MRPL3: variants seen among roughly 807,000 people sequenced by gnomAD.
MRPL3 encodes the protein large ribosomal subunit protein uL3m.
Under a neutral mutation model 44.3 loss-of-function variants are expected in MRPL3, and 43 were observed. The ratio of observed to expected loss-of-function variants is 0.97; its 90% CI spans 0.76 to 1.25. MRPL3 has a LOEUF of 1.25. Ranked by LOEUF, MRPL3 falls within the 50% of genes most tolerant of loss-of-function variation. MRPL3 has a pLI of 0.00. For synonymous variants in MRPL3, 171 were observed against 152.3 expected (o/e 1.12, Z -0.91); for missense variants, 406 against 427.6 (o/e 0.95, Z 0.45).
At chr3:131,485,651 G>GAA (rs147601693) in intron 6 of MRPL3, among the ~76,000 whole-genome samples, 3 of 145,400 alleles carry the variant, frequency 2.1e-5, no homozygotes, top group Non-Finnish European at 4.6e-5. Context: ...CAGGAAGCAG[G>GAA]AAAAAAAAAA....
chr3:131,502,344 T>TA (rs1344346871), intron 1 of MRPL3, among the ~76,000 whole-genome samples: 1 of 152,214 alleles, frequency 6.6e-6, no homozygotes, highest in Admixed American at 6.5e-5. Flanking sequence ...ACTTATTAGT[T>TA]GAGTGACTTT....
At chr3:131,470,294 A>G (rs1933710591) in intron 7 of MRPL3, among the ~76,000 whole-genome samples, 1 of 152,180 alleles carries the variant, frequency 6.6e-6, no homozygotes, top group Non-Finnish European at 1.5e-5. Flanking sequence ...TCTGATTTAC[A>G]TAAATCTAAC....
chr3:131,480,875 T>A (rs551757124), intron 6 of MRPL3, among the ~76,000 whole-genome samples: 1 of 152,316 alleles, frequency 6.6e-6, no homozygotes, highest in East Asian at 1.9e-4. Flanking sequence ...AATTATTTTT[T>A]GGAAACAGAT....
chr3:131,471,629 T>A (rs1933746140), intron 6 of MRPL3, among the ~76,000 whole-genome samples: 1 of 152,124 alleles, frequency 6.6e-6, no homozygotes, highest in Admixed American at 6.5e-5. Flanking sequence ...TCAAAGTACT[T>A]ATAGCAGATA....
intron 8 of MRPL3, among the ~76,000 whole-genome samples, chr3:131,468,728 C>T (rs1933676123): frequency 6.6e-6 from 1 of 151,900 alleles, no homozygotes; most frequent in Admixed American, 6.6e-5. Context: ...TTAAATATTA[C>T]AAAAATTGAA....
intron 6 of MRPL3, among the ~76,000 whole-genome samples, chr3:131,483,017 A>T (rs570534706): frequency 6.7e-6 from 1 of 149,212 alleles, no homozygotes; most frequent in East Asian, 1.9e-4. Context: ...AGTTATAATA[A>T]GCACCACCAG....
rs577837332 is a variant in MRPL3, at chr3:131,501,320, C to A, written c.277+211G>T. ...TCTCCCTTCACCTATAAAACAGCTT[C>A]TCAAGGAGGTCTTTATTATCATCAG... is the stretch of plus-strand genomic sequence containing the variant. On this transcript the variant is annotated intron_variant, in intron 2 of 9. Coordinates refer to ENST00000264995, the MANE Select transcript of MRPL3 (RefSeq NM_007208.4). Among the ~76,000 whole-genome samples, 3 of 152,306 alleles carry A rather than the reference C, an allele frequency of 2.0e-5. No homozygotes were observed. In the East Asian group the frequency reaches 5.8e-4, roughly 29 times the overall value.
At chr3:131,470,109 T>G (rs938605920) in intron 7 of MRPL3, among the ~76,000 whole-genome samples, 1 of 152,080 alleles carries the variant, frequency 6.6e-6, no homozygotes, top group Non-Finnish European at 1.5e-5. Flanking sequence ...AAAAATGGAC[T>G]GCCAGGCCTG....
At position 131,502,734 on chromosome 3, in the gene MRPL3, T is replaced by C. The variant is rs1472078218; in HGVS notation, c.88A>G (p.Asn30Asp). Residue 30 changes from asparagine (N) to aspartate (D), a missense_variant, in exon 1 of 10, where the codon AAC becomes GAC. Transcript: ENST00000264995. ...GACACCCTCACACCTTCCTACCTGT[T>C]CCCCGGGCCCAGGGCAGCACCCAGG... ...DGLGAALGPG[N>D]RTHIWLFVRG... is the part of the protein sequence containing the mutation. 1.2e-6 allele frequency: 2 copies of C among 1,608,454 alleles called. No individual in the cohort carries two copies. The highest frequency in any genetic ancestry group is 8.5e-7 in the Non-Finnish European group (1 of 1,176,740).
chr3:131,500,669 T>C (rs1306831951), intron 2 of MRPL3, 148 bp from the exon 3 acceptor site: 7 of 629,548 alleles, frequency 1.1e-5, no homozygotes, highest in Middle Eastern at 3.4e-4. Context: ...AGTAGGACTG[T>C]TCTTTACAGA....
At chr3:131,493,374 T>C (rs899674884) in intron 4 of MRPL3, among the ~76,000 whole-genome samples, 3 of 152,218 alleles carry the variant, frequency 2.0e-5, no homozygotes, top group African/African-American at 7.2e-5. Context: ...ACATTGCTCC[T>C]TTGTCTATGC....
chr3:131,472,744 T>C (rs892224023), intron 6 of MRPL3, among the ~76,000 whole-genome samples: 2 of 151,898 alleles, frequency 1.3e-5, no homozygotes, highest in South Asian at 2.1e-4. Context: ...AATTAACATA[T>C]ACAAATTGGT....
intron 6 of MRPL3, among the ~76,000 whole-genome samples, chr3:131,479,442 G>A (rs985150664): frequency 2.6e-5 from 4 of 152,162 alleles, no homozygotes; most frequent in African/African-American, 4.8e-5. Context: ...TTAAAAAGCA[G>A]CTTCTCTGTT....
At chr3:131,464,730 C>T (rs1343936079) in intron 9 of MRPL3, among the ~76,000 whole-genome samples, 1 of 152,098 alleles carries the variant, frequency 6.6e-6, no homozygotes, top group Non-Finnish European at 1.5e-5. Flanking sequence ...AACAGCAAAA[C>T]AAAAAGCTAA....
chr3:131,500,284 G>A, intron 3 of MRPL3, 146 bp downstream of exon 3: 1 of 609,818 alleles, frequency 1.6e-6, no homozygotes, highest in Non-Finnish European at 2.8e-6. Context: ...ACCACCATAA[G>A]TTCTTTAATA....
chr3:131,464,399 G>A (rs1254727889), intron 9 of MRPL3, among the ~76,000 whole-genome samples: 1 of 152,032 alleles, frequency 6.6e-6, no homozygotes, highest in Non-Finnish European at 1.5e-5. Context: ...TGTCTTAGTG[G>A]TGCAAAAGTT....
intron 4 of MRPL3, among the ~76,000 whole-genome samples, chr3:131,497,261 G>C (rs1934389201): frequency 1.3e-5 from 2 of 152,334 alleles, no homozygotes; most frequent in South Asian, 2.1e-4. Context: ...GAATGAGTTA[G>C]TTAACTGCGT....
chr3:131,463,655 C>G (rs1318691804), intron 9 of MRPL3, among the ~76,000 whole-genome samples: 1 of 152,076 alleles, frequency 6.6e-6, no homozygotes, highest in African/African-American at 2.4e-5. Context: ...AAAACAATAA[C>G]AGACCTATGG....
intron 3 of MRPL3, 111 bp downstream of exon 3, chr3:131,500,319 T>G: frequency 3.6e-6 from 3 of 823,146 alleles, no homozygotes; most frequent in Non-Finnish European, 6.0e-6. Context: ...CATCACCCCT[T>G]TCTTCACCAT....
Sources: allele counts gnomAD v4.1 joint callset (sites outside exome capture counted in the v4.1 genomes callset), GRCh38; gene constraint gnomAD v4.1.1; transcripts MANE v1.5; gene names NCBI Gene and HGNC (gene_info 2026-07-23, HGNC 2026-07-21).